TOP1MT: variants seen among roughly 807,000 people sequenced by gnomAD.
TOP1MT encodes DNA topoisomerase I, mitochondrial.
In TOP1MT, 80 loss-of-function variants were observed where a neutral mutation model predicts 73.9. The ratio of observed to expected loss-of-function variants is 1.08; its 90% CI spans 0.90 to 1.30. The LOEUF is 1.30. Among genes scored for constraint, TOP1MT ranks in the 50% most tolerant of loss-of-function variants. The pLI is 0.00. For missense variants in TOP1MT, 815 were observed against 808.0 expected (o/e 1.01, Z -0.10); for synonymous variants, 338 against 326.4 (o/e 1.04, Z -0.38).
chr8:143,338,036 T>G (rs1278462557), upstream of TOP1MT, among the ~76,000 whole-genome samples: 2 of 152,166 alleles, frequency 1.3e-5, no homozygotes, highest in African/African-American at 4.8e-5. Flanking sequence ...AATCTGGACC[T>G]CGGGGAGCCC....
chr8:143,349,486 T>C (rs1817285194), upstream of TOP1MT, among the ~76,000 whole-genome samples: 1 of 152,172 alleles, frequency 6.6e-6, no homozygotes, highest in Admixed American at 6.5e-5. Context: ...CAATGTGTTT[T>C]CTTTCAAAAC....
chr8:143,336,169 G>GT (rs1816978627), upstream of TOP1MT, among the ~76,000 whole-genome samples: 1 of 152,120 alleles, frequency 6.6e-6, no homozygotes, highest in Non-Finnish European at 1.5e-5. Flanking sequence ...TTGATTTTTT[G>GT]TTTTTTACTT....
chr8:143,321,182 C>G lies in TOP1MT; in HGVS notation c.1146+19G>C, dbSNP rs1816330322. 3.2e-6 allele frequency: 5 copies of G among 1,563,640 alleles called. No homozygotes were observed. The highest frequency in any genetic ancestry group is 1.7e-4 in the Middle Eastern group (1 of 5,942). On this transcript the variant is annotated intron_variant, in intron 8 of 13. Transcript: ENST00000329245. ...AATACGTGTCACATAGCGGGGGCAG[C>G]TGGCGCGAGGGCACTCACCGGCTTC...
At position 143,328,049 on chromosome 8, in the gene TOP1MT, C is replaced by T. The variant is rs930093191; in HGVS notation, c.360+1301G>A. ...AGCAAACCTGTGACAAAACATGAAA[C>T]GTGGGACCTCATCAGTATTCCAAAC... On this transcript the variant is annotated intron_variant, in intron 3 of 13. Transcript: ENST00000329245. 17 of 343,760 alleles carry T rather than the reference C, an allele frequency of 4.9e-5. No individual in the cohort carries two copies. The Middle Eastern group carries it at 1.7e-3, about 34-fold the overall frequency. The allele number at this position is 343,760 out of a possible 1,614,324, so 21.3% of individuals were successfully genotyped here.
At chr8:143,343,443 ACCCACG>A in intron 1 of TOP1MT, 1 of 349,564 alleles carries the variant, frequency 2.9e-6, no homozygotes, top group Non-Finnish European at 5.7e-6. Context: ...GCTGCTGGTG[ACCCACG>A]TGCTGGGCAT....
chr8:143,309,670 G>T, intron 13 of TOP1MT, 127 bp from the exon 14 acceptor site: 1 of 1,528,446 alleles, frequency 6.5e-7, no homozygotes, highest in Non-Finnish European at 8.8e-7. Flanking sequence ...GTGTAGCTGG[G>T]ACCTGCTCCT....
At chr8:143,311,733 G>A (rs189980746) in intron 12 of TOP1MT, among the ~76,000 whole-genome samples, 2,758 of 121,774 alleles carry the variant, frequency 0.023, 35 homozygotes, top group Non-Finnish European at 0.031. Context: ...GCAACAGAGT[G>A]AGAGACTCTG....
At chr8:143,342,865 A>C (rs895762171) in intron 2 of TOP1MT, among the ~76,000 whole-genome samples, 1 of 150,376 alleles carries the variant, frequency 6.6e-6, no homozygotes, top group Non-Finnish European at 1.5e-5. Flanking sequence ...GCTCACTGCA[A>C]CCTCTGCCTC....
Position 143,309,457 on chromosome 8 carries a change from T to C in TOP1MT, c.1790A>G (p.Glu597Gly), listed in dbSNP as rs1586744350. The C allele has an allele frequency of 6.2e-7, 1 of 1,613,828 alleles. No homozygotes were observed. Among genetic ancestry groups the C allele is most frequent in the Non-Finnish European group, 8.5e-7 (1 of 1,180,012 alleles). Residue 597 changes from glutamate (E) to glycine (G), a missense_variant, in exon 14 of 14, where the codon GAA (glutamate) becomes GGA (glycine). Glu to Gly is a moderately conservative substitution (Grantham distance 98). Around this residue, in one of 3 missense-constraint regions of TOP1MT, gnomAD observed 751 missense variants for 725.4 expected, o/e 1.04. Coordinates refer to ENST00000329245, the MANE Select transcript of TOP1MT (RefSeq NM_052963.3). Reference protein sequence around the residue: ...RFAWALAMAGEDFEF With the variant: ...RFAWALAMAGGDFEF ...GGCTCGTCGTTAGAATTCAAAGTCT[T>C]CTCCTGCCATGGCGAGAGCCCAGGC...
At chr8:143,337,167 C>A (rs1193662915), upstream of TOP1MT, among the ~76,000 whole-genome samples, 1 of 152,204 alleles carries the variant, frequency 6.6e-6, no homozygotes, top group African/African-American at 2.4e-5. Context: ...TGGCTCACGC[C>A]TGTAATCCCA....
chr8:143,354,065 A>AAAGCACTG (rs1817366369), intron 1 of TOP1MT, among the ~76,000 whole-genome samples: 1 of 151,654 alleles, frequency 6.6e-6, no homozygotes, highest in African/African-American at 2.4e-5. Flanking sequence ...TACATACCCG[A>AAAGCACTG]AAGCACTGCA....
At chr8:143,325,701 G>A (rs1383239456) in intron 4 of TOP1MT, among the ~76,000 whole-genome samples, 168 bp from the exon 5 acceptor site, 1 of 152,174 alleles carries the variant, frequency 6.6e-6, no homozygotes, top group Non-Finnish European at 1.5e-5. Context: ...AGTGCAGGTG[G>A]GCTTGCAGGG....
chr8:143,321,173 C>A, intron 8 of TOP1MT, 28 bp downstream of exon 8: 2 of 1,544,464 alleles, frequency 1.3e-6, no homozygotes, highest in African/African-American at 1.4e-5. Flanking sequence ...TGTCACATAG[C>A]GGGGGCAGCT....
chr8:143,327,667 T>C, intron 3 of TOP1MT: 1 of 348,398 alleles, frequency 2.9e-6, no homozygotes, highest in East Asian at 8.8e-5. Context: ...GCTCTGCTAG[T>C]GACTGGAAGA....
intron 2 of TOP1MT, 98 bp downstream of exon 2, chr8:143,331,126 C>T: frequency 1.1e-6 from 1 of 939,620 alleles, no homozygotes; most frequent in Non-Finnish European, 1.6e-6. Context: ...AGCCAGAAGC[C>T]TGCAGGGGGG....
intron 11 of TOP1MT, 79 bp from the exon 12 acceptor site, chr8:143,315,900 C>A: frequency 1.9e-6 from 3 of 1,604,596 alleles, no homozygotes; most frequent in South Asian, 2.2e-5. Flanking sequence ...CCACACCCTA[C>A]GTGCCCACCG....
At chr8:143,315,677 G>A (rs775619466) in intron 12 of TOP1MT, 50 bp downstream of exon 12, 15 of 1,487,192 alleles carry the variant, frequency 1.0e-5, no homozygotes, top group Middle Eastern at 1.7e-4. Flanking sequence ...TGGACCCTAC[G>A]GGTTGGGACA....
upstream of TOP1MT, among the ~76,000 whole-genome samples, chr8:143,335,816 C>G (rs953279002): frequency 1.3e-5 from 2 of 152,264 alleles, no homozygotes; most frequent in African/African-American, 4.8e-5. Context: ...CCTCAGCGAC[C>G]CTCCCCTGCC....
intron 7 of TOP1MT, among the ~76,000 whole-genome samples, chr8:143,323,282 C>T (rs1332180895): frequency 1.7e-3 from 167 of 98,864 alleles, no homozygotes; most frequent in South Asian, 4.4e-3. Flanking sequence ...CACACACGCA[C>T]GCCACACACG....
Sources: gnomAD v4.1 joint callset for allele counts (sites outside exome capture counted in the v4.1 genomes callset) on GRCh38, gnomAD v4.1.1 for gene constraint, gnomAD v4.1.1 regional missense constraint, MANE v1.5 for transcripts, NCBI Gene and HGNC (gene_info 2026-07-23, HGNC 2026-07-21) for gene names.